CCND1: variants seen among roughly 807,000 people sequenced by gnomAD.
The protein encoded by CCND1 is cyclin D1.
In CCND1, 9 loss-of-function variants were observed where a neutral mutation model predicts 26.1. That is an observed-to-expected ratio of 0.35 (90% CI 0.21 to 0.60). CCND1 has a LOEUF of 0.60. Ranked by LOEUF, CCND1 falls within the 20% of genes least tolerant of loss-of-function variation. CCND1 has a pLI of 0.79. For synonymous variants in CCND1, 194 were observed against 166.1 expected (o/e 1.17, Z -1.29); for missense variants, 335 against 392.9 (o/e 0.85, Z 1.25).
rs2120109405 is a variant in CCND1, at chr11:69,648,079, C to T, written c.660C>T (p.Pro220=). ...AAVQGLNLRS[P]NNFLSYYRLT... ...TGCAAGGCCTGAACCTGAGGAGCCCCAACAACTTCCTGTCCTACTACCGCC... is the reference window on the plus strand; with the variant it reads ...TGCAAGGCCTGAACCTGAGGAGCCCTAACAACTTCCTGTCCTACTACCGCC... Residue 220 remains proline, a synonymous_variant, in exon 4 of 5, where the codon CCC becomes CCT. Coordinates refer to ENST00000227507, the MANE Select transcript of CCND1 (RefSeq NM_053056.3). 3 of 1,613,948 alleles carry T rather than the reference C, an allele frequency of 1.9e-6. No homozygotes were observed. The highest frequency in any genetic ancestry group is 2.5e-6 in the Non-Finnish European group (3 of 1,179,986).
intron 3 of CCND1, among the ~76,000 whole-genome samples, chr11:69,645,598 C>A (rs1048696518): frequency 1.3e-5 from 2 of 152,208 alleles, no homozygotes; most frequent in Non-Finnish European, 2.9e-5. Context: ...CTGCAAAGTG[C>A]TCCGGGTCCT....
At chr11:69,647,656 A>G (rs970178899) in intron 3 of CCND1, among the ~76,000 whole-genome samples, 9 of 152,234 alleles carry the variant, frequency 5.9e-5, no homozygotes, top group Non-Finnish European at 1.0e-4. Context: ...TGAATACGTG[A>G]TAACATTCAC....
At chr11:69,650,954 A>G (rs1306403974) in intron 4 of CCND1, among the ~76,000 whole-genome samples, 164 bp from the exon 5 acceptor site, 1 of 152,148 alleles carries the variant, frequency 6.6e-6, no homozygotes, top group Non-Finnish European at 1.5e-5. Context: ...CAGCTCCCAC[A>G]TCTCGCTCAG....
In CCND1 at chr11:69,654,095, C is replaced by T. The variant is rs534628073; in HGVS notation, c.*2813C>T. On this transcript the variant is annotated 3_prime_UTR_variant, in exon 5 of 5. Coordinates refer to ENST00000227507, the MANE Select transcript of CCND1 (RefSeq NM_053056.3). The surrounding 1 kb of genome is among the most constrained non-coding windows in gnomAD (Gnocchi z 6.3). Reference sequence around the variant, plus strand: ...TGCCCTGGCAGGGTCATCCTGTGCTCGGAGGCCATCTCGGGCACAGGCCCA... The same window carrying T: ...TGCCCTGGCAGGGTCATCCTGTGCTTGGAGGCCATCTCGGGCACAGGCCCA... 54 of 649,106 alleles carry T rather than the reference C, an allele frequency of 8.3e-5. No individual in the cohort carries two copies. Among genetic ancestry groups the T allele is most frequent in the African/African-American group, 7.3e-4 (41 of 56,400 alleles). 40.2% of individuals were successfully genotyped at this position (649,106 alleles called of 1,614,324 possible).
rs749115370 is a variant in CCND1, at chr11:69,643,195, C to G, written c.363C>G (p.Ala121=). 1.2e-6 allele frequency: 2 copies of G among 1,605,044 alleles called. No individual in the cohort carries two copies. The highest frequency in any genetic ancestry group is 8.5e-7 in the Non-Finnish European group (1 of 1,176,204). The change falls in exon 2 of 5, where the codon GCC becomes GCG. Residue 121 remains alanine, a synonymous_variant. Transcript: ENST00000227507. Reference sequence around the variant, plus strand: ...TGAAGGAGACCATCCCCCTGACGGCCGAGAAGCTGTGCATCTACACCGACA... The same window carrying G: ...TGAAGGAGACCATCCCCCTGACGGCGGAGAAGCTGTGCATCTACACCGACA... ...SKMKETIPLT[A]EKLCIYTDNS...
intron 3 of CCND1, among the ~76,000 whole-genome samples, chr11:69,644,975 GC>G (rs1855760716): frequency 6.6e-6 from 1 of 152,190 alleles, no homozygotes; most frequent in African/African-American, 2.4e-5. Context: ...AGAGGGCAGA[GC>G]CCCCCAAGCC....
At chr11:69,650,828 C>T (rs1363588965) in intron 4 of CCND1, among the ~76,000 whole-genome samples, 2 of 151,502 alleles carry the variant, frequency 1.3e-5, no homozygotes, top group East Asian at 2.0e-4. Flanking sequence ...CGCTGTTGGA[C>T]ATGGGGACGG....
At chr11:69,643,281 C>T in intron 2 of CCND1, 35 bp downstream of exon 2, 1 of 1,499,014 alleles carries the variant, frequency 6.7e-7, no homozygotes, top group Non-Finnish European at 9.0e-7. Flanking sequence ...CCGCCCCCCG[C>T]GAGCCGCACG....
At chr11:69,643,420 C>T in intron 2 of CCND1, 174 bp downstream of exon 2, 2 of 523,970 alleles carry the variant, frequency 3.8e-6, no homozygotes, top group Non-Finnish European at 6.5e-6. Context: ...ATCCTAGCCG[C>T]CCTCGTCCCG....
intron 1 of CCND1, 74 bp downstream of exon 1, chr11:69,641,585 A>G: frequency 4.5e-6 from 6 of 1,348,056 alleles, no homozygotes; most frequent in Non-Finnish European, 5.2e-6. Context: ...TTTGCTACTC[A>G]CCCCCCTCCC....
In CCND1 at chr11:69,654,293, C is replaced by A. The variant is rs575482362; in HGVS notation, c.*3011C>A. 2 of 702,534 alleles carry A rather than the reference C, an allele frequency of 2.8e-6. No homozygotes were observed. 43.5% of individuals were successfully genotyped at this position (702,534 alleles called of 1,614,324 possible). ...AGGCCAAAGGCTGGTGGCAAGTGCA[C>A]GGGGCACAGCGGAGTCTGTCCTGTG... On this transcript the variant is annotated 3_prime_UTR_variant, in exon 5 of 5. Transcript: ENST00000227507. This position sits in a 1 kb window ranked among gnomAD's most constrained non-coding sequence, Gnocchi z 6.3.
At position 69,652,891 on chromosome 11, in the gene CCND1, GA is replaced by G. The variant is rs1166503789; in HGVS notation, c.*1616del. The G allele has an allele frequency of 7.5e-6, 2 of 265,574 alleles. No individual in the cohort carries two copies. Among genetic ancestry groups the G allele is most frequent in the African/African-American group, 2.2e-5 (1 of 46,050 alleles). 16.5% of individuals were successfully genotyped at this position (265,574 alleles called of 1,614,324 possible). On this transcript the variant is annotated 3_prime_UTR_variant, in exon 5 of 5. Coordinates refer to ENST00000227507, the MANE Select transcript of CCND1 (RefSeq NM_053056.3). ...TAGGTGAGAAAAAAACAATCTGGAAGAAAAAAACCACACAAAGACATTGATT... is the reference window on the plus strand; with the variant it reads ...TAGGTGAGAAAAAAACAATCTGGAAGAAAAAACCACACAAAGACATTGATT...
chr11:69,643,756 C>A (rs1378014133), intron 2 of CCND1, 76 bp from the exon 3 acceptor site: 1 of 1,448,602 alleles, frequency 6.9e-7, no homozygotes, highest in East Asian at 2.3e-5. Flanking sequence ...GTGGCCCGGC[C>A]CCCGTGCTGC....
At chr11:69,641,887 G>C (rs1374529354) in intron 1 of CCND1, among the ~76,000 whole-genome samples, 2 of 152,186 alleles carry the variant, frequency 1.3e-5, no homozygotes, top group African/African-American at 2.4e-5. Flanking sequence ...GCCAACTCCG[G>C]GGGGAGGGGG....
At position 69,641,252 on chromosome 11, in the gene CCND1, G is replaced by A. The variant is rs1855694695; in HGVS notation, c.-62G>A. ...GGAGCGCGGGGCAGCAGAAGCGAGA[G>A]CCGAGCGCGGACCCAGCCAGGACCC... On this transcript the variant is annotated 5_prime_UTR_variant, in exon 1 of 5. Coordinates refer to ENST00000227507, the MANE Select transcript of CCND1 (RefSeq NM_053056.3). 3 of 1,499,748 alleles carry A rather than the reference G, an allele frequency of 2.0e-6. No individual in the cohort carries two copies. Among genetic ancestry groups the A allele is most frequent in the South Asian group, 2.3e-5 (2 of 88,726 alleles). 92.9% of individuals were successfully genotyped at this position (1,499,748 alleles called of 1,614,324 possible).
chr11:69,652,652 C>T lies in CCND1; in HGVS notation c.*1370C>T, dbSNP rs187904389. ...AAGGGTTATCTTAGATGTTTCACAC[C>T]GGAAGGTTTTTAAACACTAAAATAT... On this transcript the variant is annotated 3_prime_UTR_variant, in exon 5 of 5. Coordinates refer to ENST00000227507, the MANE Select transcript of CCND1 (RefSeq NM_053056.3). 4.7e-5 allele frequency: 11 copies of T among 233,062 alleles called. No homozygotes were observed. The highest frequency in any genetic ancestry group is 3.6e-4 in the South Asian group (2 of 5,506). The allele number at this position is 233,062 out of a possible 1,614,324, so 14.4% of individuals were successfully genotyped here. A position where few individuals can be genotyped will look rare whatever the true frequency, so the allele number is the denominator to read the frequency against.
intron 3 of CCND1, among the ~76,000 whole-genome samples, chr11:69,647,338 C>A (rs1477812007): frequency 1.3e-5 from 2 of 152,134 alleles, no homozygotes; most frequent in Non-Finnish European, 2.9e-5. Context: ...AAGAGCTCTT[C>A]CTTCCCGAGT....
chr11:69,646,469 G>A (rs1240653369), intron 3 of CCND1, among the ~76,000 whole-genome samples: 1 of 152,074 alleles, frequency 6.6e-6, no homozygotes, highest in Non-Finnish European at 1.5e-5. Context: ...CACCCCTGGC[G>A]GCCCGTGGGG....
At chr11:69,643,436 C>T (rs1171728970) in intron 2 of CCND1, 190 bp downstream of exon 2, 1 of 499,720 alleles carries the variant, frequency 2.0e-6, no homozygotes, top group Non-Finnish European at 3.4e-6. Flanking sequence ...TCCCGCCGCC[C>T]TGTGTGCGCT....
Sources: allele counts gnomAD v4.1 joint callset (sites outside exome capture counted in the v4.1 genomes callset), GRCh38; gene constraint gnomAD v4.1.1; non-coding constraint Gnocchi (gnomAD v3.1); transcripts MANE v1.5; gene names NCBI Gene and HGNC (gene_info 2026-07-23, HGNC 2026-07-21).